The following SCUBE1 variants were observed in gnomAD, a reference collection of about 807,000 sequenced individuals.
SCUBE1 encodes signal peptide, CUB and EGF-like domain-containing protein 1.
SCUBE1 carries 59 observed loss-of-function variants against 124.4 expected under a neutral mutation model. The ratio of observed to expected loss-of-function variants is 0.47; its 90% CI spans 0.38 to 0.59. The LOEUF is 0.59. SCUBE1 is among the 20% of genes least tolerant of loss of function. The probability of loss-of-function intolerance (pLI) is 0.00; values close to 1 mark genes in which losing one functional copy is unlikely to be tolerated. For synonymous variants in SCUBE1, 545 were observed against 550.9 expected (o/e 0.99, Z 0.15); for missense variants, 1,150 against 1,371.2 (o/e 0.84, Z 2.55).
chr22:43,274,608 TC>T (rs1924424728), intron 4 of SCUBE1, among the ~76,000 whole-genome samples: 1 of 152,138 alleles, frequency 6.6e-6, no homozygotes, highest in South Asian at 2.1e-4. Flanking sequence ...GGTGGTAGCA[TC>T]CCAAAAGTGT....
chr22:43,313,512 T>C (rs903912508), intron 3 of SCUBE1, among the ~76,000 whole-genome samples: 1 of 152,228 alleles, frequency 6.6e-6, no homozygotes, highest in South Asian at 2.1e-4. Flanking sequence ...CTTATTCTAT[T>C]AGCCTAAATA....
At position 43,295,557 on chromosome 22, in the gene SCUBE1, G is replaced by T. The variant is rs567168726; in HGVS notation, c.350-4377C>A. Among the ~76,000 whole-genome samples, 68 of 152,356 alleles carry T rather than the reference G, an allele frequency of 4.5e-4. 1 individual carries two copies. In the South Asian group the frequency reaches 0.014, roughly 31 times the overall value. ...CTGTCCTTATTCCCACTGGGCACGAGGGGGGCTTCAGCTGTGAGTGGGCTC... is the reference window on the plus strand; with the variant it reads ...CTGTCCTTATTCCCACTGGGCACGATGGGGGCTTCAGCTGTGAGTGGGCTC... On this transcript the variant is annotated intron_variant, in intron 3 of 21. Coordinates refer to ENST00000360835, the MANE Select transcript of SCUBE1 (RefSeq NM_173050.5).
At chr22:43,306,116 G>A (rs1318902334) in intron 3 of SCUBE1, among the ~76,000 whole-genome samples, 2 of 152,150 alleles carry the variant, frequency 1.3e-5, no homozygotes, top group Non-Finnish European at 1.5e-5. Context: ...GACCCCAAAC[G>A]CCACCCAGGG....
intron 1 of SCUBE1, 112 bp downstream of exon 1, chr22:43,343,062 C>CGGGGCCGCGCGGGGCGAGCTCG (rs1296048383): frequency 7.9e-6 from 3 of 378,954 alleles, no homozygotes; most frequent in Non-Finnish European, 1.1e-5. Context: ...GCAGGGGGCG[C>CGGGGCCGCGCGGGGCGAGCTCG]GGGGCCGCGC....
intron 16 of SCUBE1, 44 bp downstream of exon 16, chr22:43,214,046 C>CCGGGGGGGGGGGGGGGGGGGGG: frequency 2.4e-6 from 1 of 422,702 alleles, no homozygotes; most frequent in Non-Finnish European, 4.1e-6. Context: ...GAGGAGCCCC[C>CCGGGGGGGGGGGGGGGGGGGGG]GCCCACCCCC....
intron 6 of SCUBE1, among the ~76,000 whole-genome samples, chr22:43,244,876 C>A (rs921954884): frequency 6.6e-6 from 1 of 152,258 alleles, no homozygotes; most frequent in East Asian, 1.9e-4. Flanking sequence ...GGGGGCAGCC[C>A]GGGGTCCTCG....
intron 2 of SCUBE1, among the ~76,000 whole-genome samples, chr22:43,323,325 C>G (rs1412366769): frequency 1.3e-5 from 2 of 152,172 alleles, no homozygotes; most frequent in Non-Finnish European, 2.9e-5. Context: ...TACCCTTCCA[C>G]TATCCATCCA....
rs1445979467 is a variant in SCUBE1, at chr22:43,255,459, C to G, written c.727+2760G>C. On this transcript the variant is annotated intron_variant, in intron 6 of 21. Transcript: ENST00000360835. This position sits in a 1 kb window ranked among gnomAD's most constrained non-coding sequence, Gnocchi z 4.7. ...GCACACACACACACAAGTGCAAGTA[C>G]GACAAAGGAAGTGGAAGAAAAGTGT... 8.5e-6 allele frequency: 13 copies of G among 1,538,436 alleles called. No homozygotes were observed. The highest frequency in any genetic ancestry group is 1.1e-5 in the Non-Finnish European group (13 of 1,136,102).
intron 8 of SCUBE1, among the ~76,000 whole-genome samples, chr22:43,231,369 G>C (rs748874032): frequency 3.9e-5 from 6 of 152,202 alleles, no homozygotes; most frequent in African/African-American, 7.2e-5. Context: ...TTCCCAGCAG[G>C]TGAGGATTGT....
intron 2 of SCUBE1, 89 bp downstream of exon 2, chr22:43,339,015 C>G: frequency 6.7e-7 from 1 of 1,484,430 alleles, no homozygotes; most frequent in Non-Finnish European, 9.3e-7. Context: ...AGGCTCAGCC[C>G]CAGCTGGTGA....
chr22:43,227,568 A>G, intron 9 of SCUBE1, 72 bp from the exon 10 acceptor site: 1 of 1,562,976 alleles, frequency 6.4e-7, no homozygotes, highest in Admixed American at 1.7e-5. Context: ...GGGACCACCC[A>G]GGGCAAGAGG....
At chr22:43,339,504 A>G (rs892221602) in intron 1 of SCUBE1, among the ~76,000 whole-genome samples, 18 of 152,008 alleles carry the variant, frequency 1.2e-4, no homozygotes, top group Middle Eastern at 3.4e-3. Context: ...TTCTGCTAAA[A>G]AGATGAGAAA....
Position 43,231,859 on chromosome 22 carries a change from C to T in SCUBE1, c.861G>A (p.Leu287=). The change falls in exon 8 of 22, where the codon CTG becomes CTA. Residue 287 remains leucine (L), a synonymous_variant. Transcript: ENST00000360835. ...GKTCKDINEC[L]VNNGGCDHFC... ...AGTGGTCGCAGCCTCCGTTGTTGACCAGGCACTCGTTGATGTCTGTGGGAG... is the reference window on the plus strand; with the variant it reads ...AGTGGTCGCAGCCTCCGTTGTTGACTAGGCACTCGTTGATGTCTGTGGGAG... 1 of 1,613,580 alleles carries T rather than the reference C, an allele frequency of 6.2e-7. No individual in the cohort carries two copies. Among genetic ancestry groups the T allele is most frequent in the Middle Eastern group, 1.6e-4 (1 of 6,062 alleles).
intron 3 of SCUBE1, among the ~76,000 whole-genome samples, chr22:43,317,941 G>C (rs1018353725): frequency 3.8e-4 from 58 of 152,298 alleles, no homozygotes; most frequent in African/African-American, 1.3e-3. Flanking sequence ...GAGACAATGT[G>C]AAGACAGAGG....
At chr22:43,287,539 C>T (rs530673752) in intron 4 of SCUBE1, among the ~76,000 whole-genome samples, 18 of 152,340 alleles carry the variant, frequency 1.2e-4, no homozygotes, top group Admixed American at 4.6e-4. Flanking sequence ...GCCACTCAGA[C>T]GGGCTGAGCC....
intron 4 of SCUBE1, among the ~76,000 whole-genome samples, chr22:43,274,631 C>T (rs1187019580): frequency 6.6e-6 from 1 of 152,220 alleles, no homozygotes; most frequent in Non-Finnish European, 1.5e-5. Flanking sequence ...CCCACAGCAG[C>T]CCTGGGAACC....
intron 4 of SCUBE1, among the ~76,000 whole-genome samples, chr22:43,269,074 C>G (rs1924188915): frequency 6.6e-6 from 1 of 152,158 alleles, no homozygotes; most frequent in Non-Finnish European, 1.5e-5. Flanking sequence ...ACCCTCACAA[C>G]AAGCCTGATG....
rs1174792304 is a variant in SCUBE1, at chr22:43,211,221, A to G, written c.2222-138T>C. 2 of 831,014 alleles carry G rather than the reference A, an allele frequency of 2.4e-6. No homozygotes were observed. The highest frequency in any genetic ancestry group is 3.8e-6 in the Non-Finnish European group (2 of 532,204). 51.5% of individuals were successfully genotyped at this position (831,014 alleles called of 1,614,324 possible). On this transcript the variant is annotated intron_variant, in intron 17 of 21. Coordinates refer to ENST00000360835, the MANE Select transcript of SCUBE1 (RefSeq NM_173050.5). The surrounding 1 kb of genome is among the most constrained non-coding windows in gnomAD (Gnocchi z 4.5). ...GTTCAAGGCTCCTCCCCACCGCCCCATGACCTCCCACCACCCTCACTCCGC... is the reference window on the plus strand; with the variant it reads ...GTTCAAGGCTCCTCCCCACCGCCCCGTGACCTCCCACCACCCTCACTCCGC...
chr22:43,214,132 C>T lies in SCUBE1; in HGVS notation c.2011G>A (p.Gly671Arg), dbSNP rs200599347. 67 of 1,612,072 alleles carry T rather than the reference C, an allele frequency of 4.2e-5. No homozygotes were observed. The highest frequency in any genetic ancestry group is 8.9e-5 in the East Asian group (4 of 44,766). The change falls in exon 16 of 22, where the codon GGG (glycine) becomes AGG (arginine). Residue 671 changes from glycine (G) to arginine (R), a missense_variant. By Grantham distance (125) the Gly-to-Arg change is moderately radical. Around this residue, in one of 3 missense-constraint regions of SCUBE1, gnomAD observed 757 missense variants for 840.9 expected, o/e 0.90. Coordinates refer to ENST00000360835, the MANE Select transcript of SCUBE1 (RefSeq NM_173050.5). ...LSCTPCPSSD[G>R]LGLPGARNVS... ...TTGCGGGCACCAGGCAGACCAAGCC[C>T]GTCGCTGCTGGGGCACGGTGTGCAA... is the stretch of plus-strand genomic sequence containing the variant.
Sources: gnomAD v4.1 joint callset for allele counts (sites outside exome capture counted in the v4.1 genomes callset) on GRCh38, gnomAD v4.1.1 for gene constraint, gnomAD v4.1.1 regional missense constraint, Gnocchi (gnomAD v3.1) non-coding constraint, MANE v1.5 for transcripts, NCBI Gene and HGNC (gene_info 2026-07-23, HGNC 2026-07-21) for gene names.